RAMP3: variants seen among roughly 807,000 people sequenced by gnomAD.
RAMP3 encodes the protein receptor activity-modifying protein 3.
RAMP3 carries 14 observed loss-of-function variants against 13.5 expected under a neutral mutation model. The ratio of observed to expected loss-of-function variants is 1.04; its 90% CI spans 0.69 to 1.63. The LOEUF (loss-of-function observed/expected upper bound fraction) is 1.63. RAMP3 is among the 40% of genes most tolerant of loss of function. The pLI, the probability that RAMP3 is intolerant of heterozygous loss-of-function variation, is 0.00. For missense variants in RAMP3, 200 were observed against 204.8 expected (o/e 0.98, Z 0.14); for synonymous variants, 106 against 88.3 (o/e 1.20, Z -1.12).
In RAMP3 at chr7:45,183,502, A is replaced by G. The variant is rs1002520120; in HGVS notation, c.*90A>G. On this transcript the variant is annotated 3_prime_UTR_variant, in exon 3 of 3. Coordinates refer to ENST00000242249, the MANE Select transcript of RAMP3 (RefSeq NM_005856.3). ...GAGCGGGTGGGTGCTGCCAATCTCC[A>G]GCTACTGTGGCCACACCCCACCTGG... The G allele has an allele frequency of 3.9e-6, 6 of 1,547,072 alleles. No homozygotes were observed. The Admixed American group carries it at 5.1e-5, about 13-fold the overall frequency.
Position 45,182,665 on chromosome 7 carries a change from C to T in RAMP3, c.192-492C>T, listed in dbSNP as rs147458892. On this transcript the variant is annotated intron_variant, in intron 2 of 2. Coordinates refer to ENST00000242249, the MANE Select transcript of RAMP3 (RefSeq NM_005856.3). ...GACTGGGGCTCACAGGTCTGACTCC[C>T]ACTTGGCCACCACCTGGCACATGAG... Among the ~76,000 whole-genome samples, 6 of 152,310 alleles carry T rather than the reference C, an allele frequency of 3.9e-5. No homozygotes were observed. The East Asian group carries it at 9.6e-4, about 24-fold the overall frequency.
intron 1 of RAMP3, among the ~76,000 whole-genome samples, chr7:45,158,567 AAGAGAGAGAG>A (rs71030853): frequency 6.6e-6 from 1 of 150,526 alleles, no homozygotes; most frequent in African/African-American, 2.4e-5. Flanking sequence ...AAGAAAAAGT[AAGAGAGAGAG>A]AGAGAGAGAG....
At chr7:45,167,530 T>C (rs922512739) in intron 1 of RAMP3, among the ~76,000 whole-genome samples, 3 of 151,866 alleles carry the variant, frequency 2.0e-5, no homozygotes, top group African/African-American at 7.3e-5. Context: ...GTTGTAAGAT[T>C]GGGATGTGTG....
chr7:45,157,898 ACGGCCCGCACCGGGGGCGC>A lies in RAMP3; in HGVS notation c.58+14_58+32del, dbSNP rs933912139. 7.4e-7 allele frequency: 1 copy of A among 1,354,472 alleles called. No individual in the cohort carries two copies. The highest frequency in any genetic ancestry group is 1.5e-5 in the African/African-American group (1 of 65,142). The allele number at this position is 1,354,472 out of a possible 1,614,324, so 83.9% of individuals were successfully genotyped here. On this transcript the variant is annotated intron_variant, in intron 1 of 2. Transcript: ENST00000242249. ...GCTGCTGCTCTGCGGTAAGGGGGCG[ACGGCCCGCACCGGGGGCGC>A]CCCCACTCCTCGGGGTTCACCGGAC...
At chr7:45,168,959 A>G (rs1369857843) in intron 1 of RAMP3, among the ~76,000 whole-genome samples, 1 of 152,060 alleles carries the variant, frequency 6.6e-6, no homozygotes, top group Non-Finnish European at 1.5e-5. Flanking sequence ...TCCATTCCTA[A>G]TATATTGAGT....
At position 45,162,016 on chromosome 7, in the gene RAMP3, T is replaced by A. The variant is rs574989821; in HGVS notation, c.58+4130T>A. Among the ~76,000 whole-genome samples the A allele has an allele frequency of 5.9e-5, 9 of 151,980 alleles. No individual in the cohort carries two copies. In the South Asian group the frequency reaches 1.9e-3, roughly 32 times the overall value. On this transcript the variant is annotated intron_variant, in intron 1 of 2. Coordinates refer to ENST00000242249, the MANE Select transcript of RAMP3 (RefSeq NM_005856.3). ...AGAGCAGCTAGGCGAACCTTCAGAG[T>A]CCAAGGCAGGGGCAGCTTTAGGGTG... is the stretch of plus-strand genomic sequence containing the variant.
intron 1 of RAMP3, among the ~76,000 whole-genome samples, chr7:45,160,794 A>G (rs1196480140): frequency 6.6e-6 from 1 of 152,140 alleles, no homozygotes; most frequent in Non-Finnish European, 1.5e-5. Context: ...ACCAAAATGG[A>G]TTTCTATTTT....
intron 1 of RAMP3, among the ~76,000 whole-genome samples, chr7:45,173,111 G>A (rs1347474875): frequency 2.6e-5 from 4 of 152,282 alleles, no homozygotes; most frequent in South Asian, 4.1e-4. Context: ...TGCCTCCAGG[G>A]CAACAAATCC....
chr7:45,167,182 C>T (rs892383266), intron 1 of RAMP3, among the ~76,000 whole-genome samples: 1 of 152,144 alleles, frequency 6.6e-6, no homozygotes, highest in African/African-American at 2.4e-5. Context: ...TGGTCTCGAT[C>T]TCCTGACCTC....
intron 1 of RAMP3, among the ~76,000 whole-genome samples, chr7:45,162,118 A>G (rs1785878388): frequency 6.6e-6 from 1 of 152,174 alleles, no homozygotes; most frequent in African/African-American, 2.4e-5. Context: ...CACTTATGCC[A>G]GGGCTGTCTT....
At chr7:45,177,478 C>T in intron 2 of RAMP3, 37 bp downstream of exon 2, 1 of 1,612,602 alleles carries the variant, frequency 6.2e-7, no homozygotes, top group Non-Finnish European at 8.5e-7. Flanking sequence ...TTGCTCTGAC[C>T]ACAGCGCTGC....
intron 1 of RAMP3, among the ~76,000 whole-genome samples, chr7:45,164,136 C>T (rs1211446211): frequency 1.3e-5 from 2 of 152,220 alleles, no homozygotes; most frequent in South Asian, 2.1e-4. Context: ...ACACAGTATA[C>T]CCAGCTCCAC....
intron 1 of RAMP3, among the ~76,000 whole-genome samples, chr7:45,170,848 A>C (rs1786066678): frequency 6.6e-6 from 1 of 151,998 alleles, no homozygotes; most frequent in African/African-American, 2.4e-5. Flanking sequence ...AAGGTTTCAC[A>C]ATGGTGCCCA....
chr7:45,177,854 C>T (rs1415936088), intron 2 of RAMP3, among the ~76,000 whole-genome samples: 1 of 152,220 alleles, frequency 6.6e-6, no homozygotes, highest in Non-Finnish European at 1.5e-5. Context: ...AGGAATCCTC[C>T]CCATGCCTGC....
rs193090179 is a variant in RAMP3, at chr7:45,158,366, C to T, written c.58+480C>T. Among the ~76,000 whole-genome samples the T allele has an allele frequency of 1.5e-3, 223 of 152,266 alleles. 1 individual carries two copies. Among genetic ancestry groups the T allele is most frequent in the African/African-American group, 5.2e-3 (216 of 41,554 alleles). On this transcript the variant is annotated intron_variant, in intron 1 of 2. Transcript: ENST00000242249. ...ACTGGGTAGCTGGTCCTCCCAGGGC[C>T]CCTCAGTGTGTGGACGCCTGTGTGT...
intron 1 of RAMP3, among the ~76,000 whole-genome samples, chr7:45,174,559 C>A (rs2128657530): frequency 6.6e-6 from 1 of 152,264 alleles, no homozygotes; most frequent in South Asian, 2.1e-4. Context: ...TTTTTTATCC[C>A]CCTATAGCCA....
chr7:45,183,675 G>C lies in RAMP3; in HGVS notation c.*263G>C. 1 of 595,316 alleles carries C rather than the reference G, an allele frequency of 1.7e-6. No individual in the cohort carries two copies. The highest frequency in any genetic ancestry group is 3.0e-6 in the Non-Finnish European group (1 of 335,768). The allele number at this position is 595,316 out of a possible 1,614,324, so 36.9% of individuals were successfully genotyped here. A position where few individuals can be genotyped will look rare whatever the true frequency, so the allele number is the denominator to read the frequency against. Reference sequence around the variant, plus strand: ...TGATAAGGCCAGAGCTTGTGTGCTGGGCACAGAAATCACCTGCTGCATCCT... The same window carrying C: ...TGATAAGGCCAGAGCTTGTGTGCTGCGCACAGAAATCACCTGCTGCATCCT... On this transcript the variant is annotated 3_prime_UTR_variant, in exon 3 of 3. Transcript: ENST00000242249.
At position 45,165,623 on chromosome 7, in the gene RAMP3, C is replaced by CACTATA. The variant is rs1418227058; in HGVS notation, c.58+7738_58+7743dup. Among the ~76,000 whole-genome samples, 3 of 152,326 alleles carry CACTATA rather than the reference C, an allele frequency of 2.0e-5. No individual in the cohort carries two copies. The South Asian group carries it at 6.2e-4, about 32-fold the overall frequency. The stretch of plus-strand genomic sequence containing the variant: ...TACATTCCTAGAATTTTGCAACCAT[C>CACTATA]ACTATACTCAATTATGGAACGTTGT... On this transcript the variant is annotated intron_variant, in intron 1 of 2. Transcript: ENST00000242249.
rs1447506087 is a variant in RAMP3 at position 45,157,855 on chromosome 7, G to C, written c.27G>C (p.Pro9=). 3 of 1,352,720 alleles carry C rather than the reference G, an allele frequency of 2.2e-6. No individual in the cohort carries two copies. The highest frequency in any genetic ancestry group is 2.8e-6 in the Non-Finnish European group (3 of 1,052,902). The allele number at this position is 1,352,720 out of a possible 1,614,324, so 83.8% of individuals were successfully genotyped here. Residue 9 remains proline, a synonymous_variant, in exon 1 of 3, where the codon CCG becomes CCC. Coordinates refer to ENST00000242249, the MANE Select transcript of RAMP3 (RefSeq NM_005856.3). ...TGGAGACTGGAGCGCTGCGGCGCCC[G>C]CAACTTCTCCCGTTGCTGCTGCTGC... METGALRR[P]QLLPLLLLLC... is the part of the protein sequence containing the mutation.
Sources: gnomAD v4.1 joint callset for allele counts (sites outside exome capture counted in the v4.1 genomes callset) on GRCh38, gnomAD v4.1.1 for gene constraint, MANE v1.5 for transcripts, NCBI Gene and HGNC (gene_info 2026-07-23, HGNC 2026-07-21) for gene names.